The following GLIS1 variants were observed in gnomAD, a reference collection of about 807,000 sequenced individuals.
GLIS1 encodes the protein GLIS family zinc finger 1.
A neutral mutation model predicts 63.8 loss-of-function variants in GLIS1; 24 were observed. That is an observed-to-expected ratio of 0.38 (90% CI 0.27 to 0.53). GLIS1 has a LOEUF of 0.53. Among genes scored for constraint, GLIS1 ranks in the 20% least tolerant of loss-of-function variants. GLIS1 has a pLI of 0.85. For synonymous variants in GLIS1, 450 were observed against 482.5 expected, an observed-to-expected ratio of 0.93 and a Z score of 0.88; for missense variants, 1,036 against 1,074.1, an observed-to-expected ratio of 0.96 and a Z score of 0.50.
chr1:53,733,458 C>T (rs893536922), intron 2 of GLIS1, among the ~76,000 whole-genome samples: 1 of 152,182 alleles, frequency 6.6e-6, no homozygotes, highest in African/African-American at 2.4e-5. Context: ...AGGTAAACTA[C>T]TCAGAAACAA....
chr1:53,557,450 A>G (rs1035797655), intron 4 of GLIS1, among the ~76,000 whole-genome samples: 3 of 152,180 alleles, frequency 2.0e-5, no homozygotes, highest in Admixed American at 6.5e-5. Flanking sequence ...CTGGGTCATC[A>G]GCCCTTGGTG....
rs138924080 is a variant in GLIS1 at position 53,570,795 on chromosome 1, C to T, written c.1320+23313G>A. Among the ~76,000 whole-genome samples the T allele has an allele frequency of 5.3e-5, 8 of 152,304 alleles. No individual in the cohort carries two copies. In the South Asian group the frequency reaches 1.2e-3, roughly 24 times the overall value. ...GAAACAAATCAAACTGGATTCCTAC[C>T]TCATACCATATACTCTAATTCCAAT... On this transcript the variant is annotated intron_variant, in intron 4 of 10. Coordinates refer to ENST00000628545, the MANE Select transcript of GLIS1 (RefSeq NM_001367484.1).
intron 2 of GLIS1, among the ~76,000 whole-genome samples, chr1:53,726,507 T>C (rs1646807312): frequency 3.9e-5 from 6 of 152,040 alleles, no homozygotes; most frequent in Admixed American, 3.9e-4. Flanking sequence ...AGAGGAAGAA[T>C]CAAGGTAATT....
intron 2 of GLIS1, among the ~76,000 whole-genome samples, chr1:53,696,349 G>A (rs1469089111): frequency 1.3e-5 from 2 of 152,186 alleles, no homozygotes; most frequent in African/African-American, 4.8e-5. Flanking sequence ...TGAAACTCAA[G>A]TTTTAAGGAA....
At chr1:53,684,368 A>C (rs1487326606) in intron 2 of GLIS1, among the ~76,000 whole-genome samples, 1 of 152,156 alleles carries the variant, frequency 6.6e-6, no homozygotes, top group Non-Finnish European at 1.5e-5. Flanking sequence ...AGCGTGGGAA[A>C]GCCTAGAAGC....
chr1:53,527,915 C>G (rs1367150226), intron 5 of GLIS1, among the ~76,000 whole-genome samples: 1 of 152,164 alleles, frequency 6.6e-6, no homozygotes, highest in African/African-American at 2.4e-5. Flanking sequence ...GTTCACACAC[C>G]AAGTGGGGGC....
At chr1:53,665,702 T>A (rs534083168) in intron 2 of GLIS1, among the ~76,000 whole-genome samples, 2 of 152,138 alleles carry the variant, frequency 1.3e-5, no homozygotes, top group East Asian at 3.9e-4. Context: ...TGGGTACTTA[T>A]AGACGAAGAA....
intron 2 of GLIS1, among the ~76,000 whole-genome samples, chr1:53,678,337 G>T (rs1233405921): frequency 2.9e-5 from 4 of 136,928 alleles, no homozygotes; most frequent in East Asian, 5.3e-4. Flanking sequence ...GAGGGGGGGG[G>T]GGTGGGGGGC....
chr1:53,720,466 G>A (rs575021402), intron 2 of GLIS1, among the ~76,000 whole-genome samples: 2 of 152,286 alleles, frequency 1.3e-5, no homozygotes, highest in East Asian at 3.9e-4. Flanking sequence ...TGGAGGTAGA[G>A]GGTAGAATGG....
chr1:53,659,292 C>T (rs896634196), intron 2 of GLIS1, among the ~76,000 whole-genome samples: 2 of 152,200 alleles, frequency 1.3e-5, no homozygotes, highest in Admixed American at 1.3e-4. Flanking sequence ...TCCAGAGAAG[C>T]TCACGGGCAC....
At chr1:53,544,288 T>C (rs914193794) in intron 4 of GLIS1, among the ~76,000 whole-genome samples, 4 of 152,134 alleles carry the variant, frequency 2.6e-5, no homozygotes, top group African/African-American at 9.7e-5. Context: ...CCAATAGGGC[T>C]GAGGACTAAG....
intron 4 of GLIS1, among the ~76,000 whole-genome samples, chr1:53,548,628 GGTTATA>G (rs1465905868): frequency 6.6e-6 from 1 of 152,182 alleles, no homozygotes; most frequent in Non-Finnish European, 1.5e-5. Flanking sequence ...ACAAGGTAAG[GGTTATA>G]GACAGCCTCT....
At chr1:53,525,369 C>T (rs1419141622) in intron 5 of GLIS1, among the ~76,000 whole-genome samples, 1 of 42,362 alleles carries the variant, frequency 2.4e-5, no homozygotes, top group Non-Finnish European at 4.7e-5. Flanking sequence ...GCAGAGGCAC[C>T]GGACTGCTCT....
chr1:53,535,937 C>T (rs1042068594), intron 4 of GLIS1, among the ~76,000 whole-genome samples: 3 of 152,054 alleles, frequency 2.0e-5, no homozygotes, highest in Non-Finnish European at 2.9e-5. Flanking sequence ...CTCCAACCCC[C>T]GTACCCACAC....
intron 2 of GLIS1, among the ~76,000 whole-genome samples, chr1:53,666,949 G>A (rs893866402): frequency 6.6e-6 from 1 of 152,108 alleles, no homozygotes; most frequent in Non-Finnish European, 1.5e-5. Flanking sequence ...TTTGTCTTCA[G>A]AACATCATCT....
rs878859840 is a variant in GLIS1 at position 53,594,194 on chromosome 1, C to A, written c.1234G>T (p.Val412Leu). The A allele has an allele frequency of 6.2e-7, 1 of 1,613,840 alleles. No individual in the cohort carries two copies. Among genetic ancestry groups the A allele is most frequent in the Admixed American group, 1.7e-5 (1 of 60,012 alleles). Residue 412 changes from valine (V) to leucine (L), a missense_variant, in exon 4 of 11, where the codon GTG (valine) becomes TTG (leucine). Val to Leu is a conservative substitution (Grantham distance 32). Coordinates refer to ENST00000628545, the MANE Select transcript of GLIS1 (RefSeq NM_001367484.1). ...EDFTCFWAGC[V>L]RRYKPFNARY... ...GCGTTGAAGGGCTTGTAGCGGCGCA[C>A]GCAGCCAGCCCAGAAGCAGGTGAAG...
intron 2 of GLIS1, among the ~76,000 whole-genome samples, chr1:53,632,369 A>T (rs1011254493): frequency 5.2e-5 from 7 of 135,498 alleles, no homozygotes; most frequent in Non-Finnish European, 1.1e-4. Context: ...AATGGGACTG[A>T]GGGGTGTGTG....
intron 1 of GLIS1, among the ~76,000 whole-genome samples, chr1:53,738,561 C>G (rs986980741): frequency 6.6e-6 from 1 of 151,972 alleles, no homozygotes; most frequent in Non-Finnish European, 1.5e-5. Flanking sequence ...TTCGTCGACT[C>G]TCCGGGGCCG....
chr1:53,640,958 C>T (rs1645781149), intron 2 of GLIS1, among the ~76,000 whole-genome samples: 1 of 152,118 alleles, frequency 6.6e-6, no homozygotes, highest in Admixed American at 6.5e-5. Flanking sequence ...ACTCTTAGGC[C>T]TCTGGAGGGA....
Sources: gnomAD v4.1 joint callset for allele counts (sites outside exome capture counted in the v4.1 genomes callset) on GRCh38, gnomAD v4.1.1 for gene constraint, MANE v1.5 for transcripts, NCBI Gene and HGNC (gene_info 2026-07-23, HGNC 2026-07-21) for gene names.